STXBP5L: variants seen among roughly 807,000 people sequenced by gnomAD.
STXBP5L encodes the protein syntaxin-binding protein 5-like.
In STXBP5L, 65 loss-of-function variants were observed where a neutral mutation model predicts 144.5. That is an observed-to-expected ratio of 0.45 (90% CI 0.37 to 0.55). The LOEUF (loss-of-function observed/expected upper bound fraction) is 0.55, where lower values mean the gene tolerates loss of function less well. Ranked by LOEUF, STXBP5L falls within the 20% of genes least tolerant of loss-of-function variation. STXBP5L has a pLI of 0.00. For synonymous variants in STXBP5L, 505 were observed against 469.6 expected (o/e 1.08, Z -0.97); for missense variants, 1,298 against 1,405.5 (o/e 0.92, Z 1.22).
At chr3:120,953,883 G>T (rs1355805396) in intron 2 of STXBP5L, among the ~76,000 whole-genome samples, 1 of 152,062 alleles carries the variant, frequency 6.6e-6, no homozygotes, top group Non-Finnish European at 1.5e-5. Context: ...ATACTTGTTT[G>T]ATTCCTAACC....
chr3:120,927,030 G>C (rs1709670834), intron 2 of STXBP5L, among the ~76,000 whole-genome samples: 1 of 151,552 alleles, frequency 6.6e-6, no homozygotes, highest in East Asian at 1.9e-4. Context: ...CCGCCTGCCA[G>C]GTTCAAGCGG....
intron 20 of STXBP5L, among the ~76,000 whole-genome samples, chr3:121,352,981 T>C (rs1347131403): frequency 6.6e-6 from 1 of 152,140 alleles, no homozygotes; most frequent in African/African-American, 2.4e-5. Context: ...TGATGGATTA[T>C]GTTTATTTAT....
chr3:120,962,270 C>G (rs1179587071), intron 3 of STXBP5L, among the ~76,000 whole-genome samples: 2 of 152,098 alleles, frequency 1.3e-5, no homozygotes, highest in Admixed American at 6.5e-5. Context: ...TGTAGAAGCT[C>G]TTTAGTTTAA....
At chr3:121,146,144 T>C (rs2045704282) in intron 7 of STXBP5L, among the ~76,000 whole-genome samples, 1 of 152,036 alleles carries the variant, frequency 6.6e-6, no homozygotes. Flanking sequence ...AGAGAGCATA[T>C]TGTGGAACTT....
Position 121,421,645 on chromosome 3 carries a change from C to T in STXBP5L, c.*2548C>T, listed in dbSNP as rs1273521419. On this transcript the variant is annotated 3_prime_UTR_variant, in exon 27 of 27. Coordinates refer to ENST00000471454, the MANE Select transcript of STXBP5L (RefSeq NM_001308330.2). ...TATACCCAAAATTACATGTGTGGTT[C>T]ATATGCAATAAGATACAATTTTGAA... 3 of 152,262 alleles carry T rather than the reference C, an allele frequency of 2.0e-5. No homozygotes were observed. The highest frequency in any genetic ancestry group is 2.9e-5 in the Non-Finnish European group (2 of 68,008). 9.4% of individuals were successfully genotyped at this position (152,262 alleles called of 1,614,324 possible).
chr3:121,245,012 A>G (rs995478990), intron 14 of STXBP5L, among the ~76,000 whole-genome samples: 2 of 152,180 alleles, frequency 1.3e-5, no homozygotes, highest in African/African-American at 4.8e-5. Flanking sequence ...GGTAAAGTTG[A>G]ATTTATAGAC....
chr3:121,170,396 A>G (rs2046662817), intron 9 of STXBP5L, among the ~76,000 whole-genome samples: 1 of 152,166 alleles, frequency 6.6e-6, no homozygotes, highest in African/African-American at 2.4e-5. Context: ...AAAAAAATCA[A>G]TGAATCTAGG....
chr3:121,268,231 A>T (rs920738065), intron 18 of STXBP5L, among the ~76,000 whole-genome samples: 1 of 152,218 alleles, frequency 6.6e-6, no homozygotes, highest in African/African-American at 2.4e-5. Flanking sequence ...TGCAGCCATG[A>T]AAATGTATGA....
chr3:121,403,572 A>G (rs2046931919), intron 22 of STXBP5L, among the ~76,000 whole-genome samples: 1 of 152,152 alleles, frequency 6.6e-6, no homozygotes, highest in Non-Finnish European at 1.5e-5. Context: ...TGTATTAGTC[A>G]TGGGCAATAT....
At chr3:121,339,710 G>T (rs1375990563) in intron 20 of STXBP5L, among the ~76,000 whole-genome samples, 1 of 151,944 alleles carries the variant, frequency 6.6e-6, no homozygotes, top group Non-Finnish European at 1.5e-5. Context: ...ATTCAGTAAA[G>T]TCTCAGGTTA....
chr3:120,941,415 T>C (rs1176957408), intron 2 of STXBP5L, among the ~76,000 whole-genome samples: 1 of 151,770 alleles, frequency 6.6e-6, no homozygotes, highest in Non-Finnish European at 1.5e-5. Context: ...CCTAGCATTA[T>C]ATAATTCAGT....
intron 3 of STXBP5L, among the ~76,000 whole-genome samples, chr3:120,979,721 T>G (rs1941544957): frequency 6.6e-6 from 1 of 152,192 alleles, no homozygotes; most frequent in African/African-American, 2.4e-5. Context: ...TATTTTTGTT[T>G]GGTCTCAGTT....
At chr3:121,022,805 A>T (rs1370754027) in intron 3 of STXBP5L, among the ~76,000 whole-genome samples, 2 of 152,188 alleles carry the variant, frequency 1.3e-5, no homozygotes, top group East Asian at 3.9e-4. Context: ...CATTATACTG[A>T]ATGGGGAAAA....
At chr3:121,323,231 GT>G (rs1412295578) in intron 20 of STXBP5L, among the ~76,000 whole-genome samples, 1 of 152,060 alleles carries the variant, frequency 6.6e-6, no homozygotes, top group East Asian at 1.9e-4. Flanking sequence ...TGTTGCAATT[GT>G]TTTTGAGGAT....
intron 5 of STXBP5L, among the ~76,000 whole-genome samples, chr3:121,082,739 C>G (rs1029370765): frequency 3.3e-5 from 5 of 152,120 alleles, no homozygotes; most frequent in African/African-American, 7.2e-5. Context: ...TGAATTTTGT[C>G]AAATACTATT....
intron 3 of STXBP5L, among the ~76,000 whole-genome samples, chr3:120,993,600 G>A (rs1279415197): frequency 6.6e-6 from 1 of 151,658 alleles, no homozygotes; most frequent in Non-Finnish European, 1.5e-5. Flanking sequence ...TGCACCAAAT[G>A]AGTTGGTTGT....
At chr3:121,116,135 A>C (rs773018889) in intron 6 of STXBP5L, among the ~76,000 whole-genome samples, 16 of 152,118 alleles carry the variant, frequency 1.1e-4, no homozygotes, top group Non-Finnish European at 2.1e-4. Context: ...TAAAATTATT[A>C]ATCAGAAAAA....
chr3:121,392,787 A>G (rs1242572310), intron 22 of STXBP5L, among the ~76,000 whole-genome samples: 2 of 140,844 alleles, frequency 1.4e-5, no homozygotes, highest in East Asian at 3.9e-4. Flanking sequence ...ATATATATAT[A>G]TATATATATA....
chr3:121,369,735 G>A (rs2045973038), intron 20 of STXBP5L, among the ~76,000 whole-genome samples: 2 of 152,164 alleles, frequency 1.3e-5, no homozygotes, highest in Admixed American at 1.3e-4. Flanking sequence ...TCCTTTTGTA[G>A]GTGACCTATC....
Sources: gnomAD v4.1 joint callset for allele counts (sites outside exome capture counted in the v4.1 genomes callset) on GRCh38, gnomAD v4.1.1 for gene constraint, MANE v1.5 for transcripts, NCBI Gene and HGNC (gene_info 2026-07-23, HGNC 2026-07-21) for gene names.